Variants in ATXN8OS observed in about 807,000 individuals in gnomAD.
ATXN8OS encodes the protein ATXN8 opposite strand lncRNA, also known as ATXN8 opposite strand (non-protein coding).
rs1268818657 is a variant in ATXN8OS at position 70,125,432 on chromosome 13, T to C, written n.399-4352T>C. ...TCCTTACGAGGTAAACGCCATACCA[T>C]AATCAGACAAAAATTACAATAATTT... On this transcript the variant is annotated intron_variant and non_coding_transcript_variant, in intron 2 of 4. Coordinates refer to ENST00000678624, the Ensembl canonical transcript of ATXN8OS. Among the ~76,000 whole-genome samples the C allele has an allele frequency of 2.0e-5, 3 of 152,114 alleles. No homozygotes were observed. In the East Asian group the frequency reaches 5.8e-4, roughly 29 times the overall value.
chr13:70,149,364 A>T (rs777431335), intron 4 of ATXN8OS, among the ~76,000 whole-genome samples: 1 of 152,158 alleles, frequency 6.6e-6, no homozygotes, highest in Non-Finnish European at 1.5e-5. Context: ...ATAGGATTGT[A>T]ATAACATTAA....
At chr13:70,140,821 C>A (rs547257242) in intron 3 of ATXN8OS, among the ~76,000 whole-genome samples, 1 of 152,126 alleles carries the variant, frequency 6.6e-6, no homozygotes, top group South Asian at 2.1e-4. Flanking sequence ...AAAAAAGACA[C>A]TGAGTGTTCC....
chr13:70,155,797 C>CTTTTATTTTTTTTT (rs1888928298), intron 4 of ATXN8OS, among the ~76,000 whole-genome samples: 1 of 137,500 alleles, frequency 7.3e-6, no homozygotes. Context: ...AAAACTGAGA[C>CTTTTATTTTTTTTT]AAAAAAAAAA....
intron 4 of ATXN8OS, among the ~76,000 whole-genome samples, chr13:70,147,956 G>A (rs1425514468): frequency 6.6e-6 from 1 of 152,172 alleles, no homozygotes; most frequent in African/African-American, 2.4e-5. Flanking sequence ...TTGAAGCGGT[G>A]GCTTCCAGGT....
In ATXN8OS at chr13:70,160,196, T is replaced by C. The variant is rs141924082; in HGVS notation, n.574-9557T>C. ...TGTGAGCACTCAGTCTGTTGACTTA[T>C]TGGATTTTCATATATTGTATTTGTA... On this transcript the variant is annotated intron_variant and non_coding_transcript_variant, in intron 4 of 4. Transcript: ENST00000678624. Among the ~76,000 whole-genome samples, 574 of 152,290 alleles carry C rather than the reference T, an allele frequency of 3.8e-3. 2 individuals carry two copies. The highest frequency in any genetic ancestry group is 0.011 in the African/African-American group (475 of 41,568).
chr13:70,148,015 C>A (rs1888810710), intron 4 of ATXN8OS, among the ~76,000 whole-genome samples: 1 of 152,102 alleles, frequency 6.6e-6, no homozygotes, highest in South Asian at 2.1e-4. Flanking sequence ...AGGAGTTAAG[C>A]TCTGTCTGAA....
chr13:70,119,869 G>A (rs1031240014), intron 2 of ATXN8OS, among the ~76,000 whole-genome samples: 1 of 151,852 alleles, frequency 6.6e-6, no homozygotes, highest in African/African-American at 2.4e-5. Flanking sequence ...GTTGAAACTT[G>A]GGTTCCATCC....
rs869198397 is a variant in ATXN8OS at position 70,139,377 on chromosome 13, ACTACTACTGCTGCTGCTGCTGCTG to A, written n.500-7975_500-7952del. On this transcript the variant is annotated intron_variant and non_coding_transcript_variant, in intron 3 of 4. Coordinates refer to ENST00000678624, the Ensembl canonical transcript of ATXN8OS. Reference sequence around the variant, plus strand: ...TACTACTACTACTACTACTACTACTACTACTACTGCTGCTGCTGCTGCTGCTGCTGCTGCTGCTGCTGCTGCTGC... The same window carrying A: ...TACTACTACTACTACTACTACTACTACTGCTGCTGCTGCTGCTGCTGCTGC... The A allele has an allele frequency of 2.0e-4, 129 of 645,370 alleles. 1 individual carries two copies. The highest frequency in any genetic ancestry group is 8.0e-4 in the Middle Eastern group (2 of 2,510). 40.0% of individuals were successfully genotyped at this position (645,370 alleles called of 1,614,324 possible). A position where few individuals can be genotyped will look rare whatever the true frequency, so the allele number is the denominator to read the frequency against.
chr13:70,142,899 C>A (rs1593770277), intron 3 of ATXN8OS, among the ~76,000 whole-genome samples: 1 of 152,078 alleles, frequency 6.6e-6, no homozygotes, highest in South Asian at 2.1e-4. Context: ...CATGGAGAAA[C>A]CTCCTCTCTA....
upstream of ATXN8OS, chr13:70,107,706 C>T: frequency 3.3e-6 from 5 of 1,514,188 alleles, no homozygotes; most frequent in African/African-American, 1.4e-5. Flanking sequence ...ACATGCTTTA[C>T]GCACAGAAGG....
chr13:70,152,687 G>A (rs548045750), intron 4 of ATXN8OS, among the ~76,000 whole-genome samples: 14 of 152,126 alleles, frequency 9.2e-5, no homozygotes, highest in African/African-American at 1.9e-4. Context: ...AGCCTCTCAC[G>A]TCTTTTAATT....
chr13:70,139,374 A>ACTACTACTACTACTACTACTG lies in ATXN8OS; in HGVS notation n.500-7970_500-7969insACTACTACTGCTACTACTACT, dbSNP rs1888665541. On this transcript the variant is annotated intron_variant and non_coding_transcript_variant, in intron 3 of 4. Coordinates refer to ENST00000678624, the Ensembl canonical transcript of ATXN8OS. ...CTTTACTACTACTACTACTACTACT[A>ACTACTACTACTACTACTACTG]CTACTACTACTGCTGCTGCTGCTGC... 7.7e-6 allele frequency: 5 copies of ACTACTACTACTACTACTACTG among 648,858 alleles called. 1 individual carries two copies. The East Asian group carries it at 9.1e-5, about 12-fold the overall frequency. 40.2% of individuals were successfully genotyped at this position (648,858 alleles called of 1,614,324 possible). A position where few individuals can be genotyped will look rare whatever the true frequency, so the allele number is the denominator to read the frequency against.
intron 4 of ATXN8OS, among the ~76,000 whole-genome samples, chr13:70,169,488 G>T (rs1289250155): frequency 1.3e-5 from 2 of 152,028 alleles, no homozygotes; most frequent in East Asian, 1.9e-4. Flanking sequence ...TAGAGACGGG[G>T]TTTCACCATG....
intron 3 of ATXN8OS, among the ~76,000 whole-genome samples, chr13:70,144,700 A>G (rs1888759557): frequency 6.6e-6 from 1 of 152,128 alleles, no homozygotes; most frequent in Non-Finnish European, 1.5e-5. Flanking sequence ...AATTATAATG[A>G]AATTCATCTT....
At chr13:70,113,669 G>C (rs1338907974) in intron 1 of ATXN8OS, among the ~76,000 whole-genome samples, 1 of 152,060 alleles carries the variant, frequency 6.6e-6, no homozygotes, top group East Asian at 1.9e-4. Context: ...TAACTTTGTG[G>C]ATATTTTATT....
intron 1 of ATXN8OS, among the ~76,000 whole-genome samples, chr13:70,108,649 CTGTGTAGCA>C (rs1888145724): frequency 6.6e-6 from 1 of 152,190 alleles, no homozygotes; most frequent in Non-Finnish European, 1.5e-5. Context: ...CGCTACATTA[CTGTGTAGCA>C]ATACAAGGAA....
intron 4 of ATXN8OS, among the ~76,000 whole-genome samples, chr13:70,155,505 C>T (rs1566616149): frequency 1.3e-5 from 2 of 152,072 alleles, no homozygotes; most frequent in Non-Finnish European, 1.5e-5. Flanking sequence ...CAGTGTCTCT[C>T]GAACTTCAGG....
exon 5 of ATXN8OS, among the ~76,000 whole-genome samples, chr13:70,171,457 A>G (rs1889143536): frequency 6.6e-6 from 1 of 152,148 alleles, no homozygotes; most frequent in Admixed American, 6.6e-5. Context: ...GTGATGGCCT[A>G]GGATAATTGT....
At chr13:70,146,955 T>C (rs1056729980) in intron 3 of ATXN8OS, among the ~76,000 whole-genome samples, 3 of 152,160 alleles carry the variant, frequency 2.0e-5, no homozygotes, top group Admixed American at 2.0e-4. Context: ...TATATCTTGA[T>C]GTTAGTAAGA....
Sources: gnomAD v4.1 joint callset for allele counts (sites outside exome capture counted in the v4.1 genomes callset) on GRCh38, gnomAD v4.1.1 for gene constraint, MANE v1.5 for transcripts, NCBI Gene and HGNC (gene_info 2026-07-23, HGNC 2026-07-21) for gene names.